The following PHEX variants were observed in gnomAD, a reference collection of about 807,000 sequenced individuals.
The protein encoded by PHEX is phosphate-regulating neutral endopeptidase PHEX.
PHEX carries 16 observed loss-of-function variants against 68.0 expected under a neutral mutation model. That is an observed-to-expected ratio of 0.24 (90% CI 0.16 to 0.36). PHEX has a LOEUF of 0.36. Among genes scored for constraint, PHEX ranks in the 10% least tolerant of loss-of-function variants. The pLI is 1.00. For synonymous variants in PHEX, 208 were observed against 205.1 expected, an observed-to-expected ratio of 1.01 and a Z score of -0.12; for missense variants, 480 against 575.5, an observed-to-expected ratio of 0.83 and a Z score of 1.70.
chrX:22,072,363 A>G (rs1928944058), intron 3 of PHEX, among the ~76,000 whole-genome samples: 2 of 111,776 alleles, frequency 1.8e-5, no homozygotes, highest in Non-Finnish European at 3.8e-5. Flanking sequence ...GTGAGCCGAG[A>G]TCAAGCCACT....
intron 3 of PHEX, among the ~76,000 whole-genome samples, chrX:22,065,247 T>C (rs906340395): frequency 8.9e-6 from 1 of 111,999 alleles, no homozygotes; most frequent in Non-Finnish European, 1.9e-5. Context: ...GTGTAGGGAC[T>C]GATATTTATG....
intron 20 of PHEX, among the ~76,000 whole-genome samples, chrX:22,234,795 C>T (rs988424384): frequency 1.1e-4 from 11 of 100,325 alleles, no homozygotes; most frequent in Admixed American, 2.1e-4. Flanking sequence ...GTCTTGCTGG[C>T]GTTCCCAGCA....
intron 3 of PHEX, among the ~76,000 whole-genome samples, chrX:22,059,706 T>C (rs1239766268): frequency 8.9e-6 from 1 of 111,917 alleles, no homozygotes; most frequent in Non-Finnish European, 1.9e-5. Flanking sequence ...CTCCAGCCTC[T>C]TGATCCATCT....
chrX:22,105,250 G>C (rs1930629422), intron 9 of PHEX, among the ~76,000 whole-genome samples: 1 of 112,530 alleles, frequency 8.9e-6, no homozygotes, highest in Non-Finnish European at 1.9e-5. Context: ...ATACATTCAA[G>C]TTTAAGAAGC....
At chrX:22,216,985 C>G (rs1265119506) in intron 16 of PHEX, among the ~76,000 whole-genome samples, 2 of 111,890 alleles carry the variant, frequency 1.8e-5, no homozygotes, top group African/African-American at 6.5e-5. Context: ...TAAAATGATT[C>G]AATCATTTTC....
At chrX:22,044,326 T>G (rs1408990394) in intron 2 of PHEX, among the ~76,000 whole-genome samples, 2 of 111,638 alleles carry the variant, frequency 1.8e-5, no homozygotes, top group Non-Finnish European at 3.8e-5. Context: ...AGATTCATTC[T>G]GTGGCTGCAT....
chrX:22,208,242 A>G (rs997720994), intron 15 of PHEX, among the ~76,000 whole-genome samples: 19 of 111,546 alleles, frequency 1.7e-4, no homozygotes, highest in Non-Finnish European at 3.6e-4. Context: ...TATTTTACAG[A>G]CTTTTAAGGA....
intron 8 of PHEX, 106 bp downstream of exon 8, chrX:22,097,144 TG>T: frequency 3.4e-6 from 2 of 591,541 alleles, no homozygotes; most frequent in Non-Finnish European, 5.9e-6. Context: ...CTCTCAGTCT[TG>T]GTTATCATCA....
intron 12 of PHEX, among the ~76,000 whole-genome samples, chrX:22,146,503 T>C (rs763434393): frequency 8.9e-6 from 1 of 112,116 alleles, no homozygotes; most frequent in South Asian, 3.7e-4. Context: ...AATTTCAAAT[T>C]TGTGGAACAG....
intron 3 of PHEX, among the ~76,000 whole-genome samples, chrX:22,052,516 C>A (rs1927884219): frequency 8.9e-6 from 1 of 112,068 alleles, no homozygotes; most frequent in Non-Finnish European, 1.9e-5. Context: ...GTGTGAGCTA[C>A]CGTACTCAGC....
At chrX:22,185,756 GTTTTT>G (rs3085228) in intron 14 of PHEX, among the ~76,000 whole-genome samples, 38 of 87,766 alleles carry the variant, frequency 4.3e-4, no homozygotes, top group African/African-American at 1.2e-3. Context: ...CTCGTTTGTG[GTTTTT>G]TTTTTTTTTT....
intron 10 of PHEX, 59 bp from the exon 11 acceptor site, chrX:22,114,399 G>C (rs2147065482): frequency 8.9e-7 from 1 of 1,123,131 alleles, no homozygotes; most frequent in East Asian, 3.0e-5. Flanking sequence ...TGTTTGAATT[G>C]TTTTCAGCCA....
At chrX:22,177,115 G>A (rs1460919563) in intron 13 of PHEX, among the ~76,000 whole-genome samples, 2 of 111,097 alleles carry the variant, frequency 1.8e-5, no homozygotes, top group Non-Finnish European at 3.8e-5. Context: ...ACTTCTCCAC[G>A]GACATGAGAA....
rs779998335 is a variant in PHEX at position 22,111,536 on chromosome X, G to C, written c.1149G>C (p.Gln383His). Residue 383 changes from glutamine to histidine, a missense_variant, in exon 10 of 22, where the codon CAG becomes CAC. By Grantham distance (24) the Gln-to-His change is conservative. Coordinates refer to ENST00000379374, the MANE Select transcript of PHEX (RefSeq NM_000444.6). ...SRIPNLSRRF[Q>H]YRWLEFSRVI... ...TTCCAAACCTTAGCAGGCGCTTTCAGTATAGATGGCTGGAATTCTCAAGGG... is the reference window on the plus strand; with the variant it reads ...TTCCAAACCTTAGCAGGCGCTTTCACTATAGATGGCTGGAATTCTCAAGGG... 1 of 1,200,972 alleles carries C rather than the reference G, an allele frequency of 8.3e-7. No homozygotes were observed. The highest frequency in any genetic ancestry group is 1.1e-6 in the Non-Finnish European group (1 of 886,651).
intron 3 of PHEX, among the ~76,000 whole-genome samples, chrX:22,050,758 G>A (rs1927794133): frequency 1.8e-5 from 2 of 110,892 alleles, no homozygotes; most frequent in Admixed American, 1.9e-4. Flanking sequence ...TTTGCAAAAA[G>A]CTGCTGCTCA....
At position 22,090,454 on chromosome X, in the gene PHEX, C is replaced by T; in HGVS notation, c.689C>T (p.Ala230Val). Residue 230 changes from alanine (A) to valine (V), a missense_variant, in exon 6 of 22, where the codon GCC (alanine) becomes GTC (valine). Physicochemically the swap from Ala to Val is moderately conservative, Grantham distance 64. Coordinates refer to ENST00000379374, the MANE Select transcript of PHEX (RefSeq NM_000444.6). ...LKLDQATLSL[A>V]VREDYLDNST... is the part of the protein sequence containing the mutation. ...CTGGACCAAGCAACACTCTCCCTGG[C>T]CGTGAGGGAAGACTACCTTGATAAC... The T allele has an allele frequency of 8.3e-7, 1 of 1,208,575 alleles. No individual in the cohort carries two copies. The highest frequency in any genetic ancestry group is 1.7e-5 in the African/African-American group (1 of 57,755).
rs1929792784 is a variant in PHEX at position 22,089,718 on chromosome X, C to G, written c.664-711C>G. On this transcript the variant is annotated intron_variant, in intron 5 of 21. Transcript: ENST00000379374. ...TTACAGGTGTGAGCCACCACACCAG[C>G]CTAAGGTGCTGAAAGTTTTAATTCA... 4.5e-5 allele frequency among the ~76,000 whole-genome samples: 5 copies of G among 111,181 alleles called. No individual in the cohort carries two copies. The South Asian group carries it at 1.9e-3, about 42-fold the overall frequency.
chrX:22,114,035 C>T (rs1352566992), intron 10 of PHEX, among the ~76,000 whole-genome samples: 11 of 103,072 alleles, frequency 1.1e-4, no homozygotes, highest in African/African-American at 3.6e-4. Context: ...CTGCAACCAC[C>T]GCTTCCTGGG....
intron 15 of PHEX, among the ~76,000 whole-genome samples, 195 bp downstream of exon 15, chrX:22,190,697 T>G: frequency 8.9e-6 from 1 of 112,021 alleles, no homozygotes; most frequent in East Asian, 2.8e-4. Context: ...TTTAAAGCTT[T>G]ATGTCACCAC....
Sources: allele counts gnomAD v4.1 joint callset (sites outside exome capture counted in the v4.1 genomes callset), GRCh38; gene constraint gnomAD v4.1.1; transcripts MANE v1.5; gene names NCBI Gene and HGNC (gene_info 2026-07-23, HGNC 2026-07-21).